The following TMEM164 variants were observed in gnomAD, a reference collection of about 807,000 sequenced individuals.
The protein encoded by TMEM164 is transmembrane protein 164.
TMEM164 carries 4 observed loss-of-function variants against 18.8 expected under a neutral mutation model. That is an observed-to-expected ratio of 0.21 (90% CI 0.10 to 0.49). The LOEUF (loss-of-function observed/expected upper bound fraction) is 0.49. TMEM164 is among the 20% of genes least tolerant of loss of function. The pLI is 0.98. For missense variants in TMEM164, 108 were observed against 239.9 expected, an observed-to-expected ratio of 0.45 and a Z score of 3.63; for synonymous variants, 86 against 101.7, an observed-to-expected ratio of 0.85 and a Z score of 0.93.
intron 4 of TMEM164, among the ~76,000 whole-genome samples, chrX:110,131,567 C>T (rs1044202525): frequency 2.7e-5 from 3 of 111,192 alleles, no homozygotes; most frequent in Non-Finnish European, 5.7e-5. Flanking sequence ...TCCCCTTGTT[C>T]CACTACCTAA....
At chrX:110,057,841 A>G (rs1339235935) in intron 2 of TMEM164, among the ~76,000 whole-genome samples, 5 of 111,438 alleles carry the variant, frequency 4.5e-5, no homozygotes, top group Non-Finnish European at 9.4e-5. Flanking sequence ...AAATTGGGTT[A>G]TTTGTATTTC....
chrX:110,116,876 GGT>G (rs34180052), intron 4 of TMEM164, among the ~76,000 whole-genome samples: 1,061 of 98,716 alleles, frequency 0.011, 8 homozygotes, highest in African/African-American at 0.019. Context: ...GTGTGTGTGT[GGT>G]GTGTGTGTGT....
downstream of TMEM164, among the ~76,000 whole-genome samples, chrX:110,179,810 C>T (rs760865982): frequency 6.2e-5 from 7 of 112,313 alleles, no homozygotes; most frequent in Middle Eastern, 0.019. Flanking sequence ...CATCCTCCAG[C>T]CCCTGGCACA....
At chrX:110,013,683 T>A (rs1212243533) in intron 2 of TMEM164, among the ~76,000 whole-genome samples, 1 of 111,698 alleles carries the variant, frequency 9.0e-6, no homozygotes, top group Non-Finnish European at 1.9e-5. Context: ...TGGACCATAT[T>A]TCCTGGGTTT....
intron 2 of TMEM164, chrX:110,065,183 A>C (rs931340419): frequency 9.0e-6 from 1 of 111,030 alleles, no homozygotes; most frequent in Non-Finnish European, 1.9e-5. Flanking sequence ...AGCCTAGGGA[A>C]ATTGTGGATC....
chrX:110,129,921 A>T (rs1602676441), intron 4 of TMEM164, among the ~76,000 whole-genome samples: 1 of 112,760 alleles, frequency 8.9e-6, no homozygotes, highest in Non-Finnish European at 1.9e-5. Context: ...GATTTAAACC[A>T]TATTTTCATT....
At chrX:110,019,862 T>G (rs923135706) in intron 2 of TMEM164, among the ~76,000 whole-genome samples, 4 of 110,745 alleles carry the variant, frequency 3.6e-5, no homozygotes, top group Non-Finnish European at 7.5e-5. Flanking sequence ...GGTCCCAACC[T>G]TTTTTTTCAG....
chrX:110,102,966 G>A (rs2066134454), intron 3 of TMEM164, among the ~76,000 whole-genome samples: 1 of 112,239 alleles, frequency 8.9e-6, no homozygotes, highest in Non-Finnish European at 1.9e-5. Context: ...ACAATGTTAG[G>A]CACACAGTAA....
At chrX:110,134,986 C>T (rs1461724371) in intron 4 of TMEM164, among the ~76,000 whole-genome samples, 2 of 111,291 alleles carry the variant, frequency 1.8e-5, no homozygotes, top group Admixed American at 1.9e-4. Flanking sequence ...GTTTGGTGTA[C>T]TTATCTTTTA....
chrX:110,062,231 A>G (rs1013803580), intron 2 of TMEM164, among the ~76,000 whole-genome samples: 2 of 112,361 alleles, frequency 1.8e-5, no homozygotes, highest in Admixed American at 1.9e-4. Context: ...CTCAGTTGAA[A>G]AGAACACACC....
At chrX:110,080,505 T>C (rs1384274250) in intron 3 of TMEM164, among the ~76,000 whole-genome samples, 3 of 111,680 alleles carry the variant, frequency 2.7e-5, no homozygotes, top group African/African-American at 9.8e-5. Flanking sequence ...GCAGATCTCT[T>C]CTGTCATTCT....
At chrX:110,020,177 A>G (rs1239498147) in intron 2 of TMEM164, among the ~76,000 whole-genome samples, 1 of 111,802 alleles carries the variant, frequency 8.9e-6, no homozygotes, top group Non-Finnish European at 1.9e-5. Context: ...TATGTTCCCA[A>G]ATGTAAGGTC....
chrX:110,017,448 C>CTT lies in TMEM164; in HGVS notation c.390+13285_390+13286insTT, dbSNP rs1569295315. On this transcript the variant is annotated intron_variant, in intron 2 of 6. Transcript: ENST00000372068. ...TTTCTTTCTTTCTTTCTTTCTTTCT[C>CTT]TCTCTCTCTCTCTCTTTCTTTCCTT... Among the ~76,000 whole-genome samples, 44 of 15,961 alleles carry CTT rather than the reference C, an allele frequency of 2.8e-3. 1 individual carries two copies. Among genetic ancestry groups the CTT allele is most frequent in the African/African-American group, 7.4e-3 (42 of 5,651 alleles). The allele number at this position is 15,961 out of a possible 115,157, so 13.9% of individuals were successfully genotyped here.
At chrX:110,125,946 C>T (rs1051802527) in intron 4 of TMEM164, among the ~76,000 whole-genome samples, 4 of 112,207 alleles carry the variant, frequency 3.6e-5, no homozygotes, top group African/African-American at 1.3e-4. Context: ...TCTGTAAAAC[C>T]GGCCAGGCTT....
chrX:110,018,333 G>C (rs1933596044), intron 2 of TMEM164, among the ~76,000 whole-genome samples: 1 of 112,042 alleles, frequency 8.9e-6, no homozygotes, highest in Non-Finnish European at 1.9e-5. Context: ...CCAGACCTGG[G>C]TCCTGGTTGT....
At chrX:110,040,477 C>T in intron 2 of TMEM164, among the ~76,000 whole-genome samples, 1 of 112,121 alleles carries the variant, frequency 8.9e-6, no homozygotes, top group East Asian at 2.8e-4. Context: ...GTAGCAGCAA[C>T]TCAGCGAGTT....
At chrX:110,141,790 G>A (rs748281484) in intron 4 of TMEM164, among the ~76,000 whole-genome samples, 6 of 112,042 alleles carry the variant, frequency 5.4e-5, no homozygotes, top group African/African-American at 1.9e-4. Context: ...TAAGTTCTTG[G>A]CTCCCATTCA....
At chrX:110,004,296 C>T (rs1932536980) in intron 2 of TMEM164, 132 bp downstream of exon 2, 1 of 826,243 alleles carries the variant, frequency 1.2e-6, no homozygotes, top group Non-Finnish European at 1.7e-6. Flanking sequence ...CAACGAGTGG[C>T]TGCCTTTGTG....
At chrX:110,164,349 G>C (rs1411333275) in intron 5 of TMEM164, among the ~76,000 whole-genome samples, 1 of 111,610 alleles carries the variant, frequency 9.0e-6, no homozygotes, top group Admixed American at 9.5e-5. Flanking sequence ...GAGCCATGAG[G>C]GACAGTAAAA....
Sources: gnomAD v4.1 joint callset for allele counts (sites outside exome capture counted in the v4.1 genomes callset) on GRCh38, gnomAD v4.1.1 for gene constraint, MANE v1.5 for transcripts, NCBI Gene and HGNC (gene_info 2026-07-23, HGNC 2026-07-21) for gene names.